Variants in FMN2 observed in about 807,000 individuals in gnomAD.
The protein encoded by FMN2 is formin-2.
In FMN2, 51 loss-of-function variants were observed where a neutral mutation model predicts 142.3. That is an observed-to-expected ratio of 0.36 (90% CI 0.29 to 0.45). The LOEUF (loss-of-function observed/expected upper bound fraction) is 0.45, where lower values mean the gene tolerates loss of function less well. Ranked by LOEUF, FMN2 falls within the 20% of genes least tolerant of loss-of-function variation. The pLI, the probability that FMN2 is intolerant of heterozygous loss-of-function variation, is 1.00. For missense variants in FMN2, 1,936 were observed against 2,122.8 expected, an observed-to-expected ratio of 0.91 and a Z score of 1.73; for synonymous variants, 882 against 869.8, an observed-to-expected ratio of 1.01 and a Z score of -0.25.
intron 1 of FMN2, among the ~76,000 whole-genome samples, chr1:240,099,634 G>A (rs545058758): frequency 2.7e-4 from 41 of 152,116 alleles, no homozygotes; most frequent in African/African-American, 8.2e-4. Context: ...TCATTTTCCC[G>A]ACTTTGTGCC....
rs536290408 is a variant in FMN2, at chr1:240,316,258, C to T, written c.4216-12818C>T. On this transcript the variant is annotated intron_variant, in intron 8 of 17. Transcript: ENST00000319653. ...GAAAAGGCAACAAGGACTTGATCTT[C>T]GGGGAGGTAGAAGGATGTTCATAGA... 5.3e-5 allele frequency among the ~76,000 whole-genome samples: 8 copies of T among 152,000 alleles called. No individual in the cohort carries two copies. In the South Asian group the frequency reaches 1.5e-3, roughly 28 times the overall value.
intron 7 of FMN2, among the ~76,000 whole-genome samples, chr1:240,290,338 C>T (rs539930219): frequency 2.6e-5 from 4 of 152,060 alleles, no homozygotes; most frequent in East Asian, 1.9e-4. Flanking sequence ...GAGCTCATAC[C>T]GGTGGAGCAA....
intron 7 of FMN2, among the ~76,000 whole-genome samples, chr1:240,286,819 C>T (rs1669606346): frequency 6.6e-6 from 1 of 152,126 alleles, no homozygotes; most frequent in Non-Finnish European, 1.5e-5. Flanking sequence ...ATTTAGTAGT[C>T]GTTCACTTTC....
In FMN2 at chr1:240,124,368, C is replaced by T. The variant is rs113970854; in HGVS notation, c.1782+1023C>T. On this transcript the variant is annotated intron_variant, in intron 2 of 17. Transcript: ENST00000319653. Reference sequence around the variant, plus strand: ...AACTCATGTTTGTGTGAAGTACGGACGTGAAGCAGCATTGTCTGCTTCATC... The same window carrying T: ...AACTCATGTTTGTGTGAAGTACGGATGTGAAGCAGCATTGTCTGCTTCATC... Among the ~76,000 whole-genome samples the T allele has an allele frequency of 7.9e-5, 12 of 152,236 alleles. 1 individual carries two copies. Among genetic ancestry groups the T allele is most frequent in the East Asian group, 1.9e-4 (1 of 5,168 alleles).
chr1:240,239,818 A>G (rs1185503701), intron 6 of FMN2, among the ~76,000 whole-genome samples: 2 of 152,256 alleles, frequency 1.3e-5, no homozygotes, highest in Non-Finnish European at 1.5e-5. Context: ...TAGTCAATAA[A>G]CATATGCTCA....
intron 8 of FMN2, among the ~76,000 whole-genome samples, chr1:240,297,594 C>CAAAAAAAA (rs57504077): frequency 3.4e-5 from 3 of 88,782 alleles, no homozygotes; most frequent in East Asian, 3.2e-4. Flanking sequence ...GACTCCATCT[C>CAAAAAAAA]AAAAAAAAAA....
In FMN2 at chr1:240,334,194, A is replaced by C; in HGVS notation, c.4730A>C (p.Gln1577Pro). ...QASQMKFEDF[Q>P]KDLRKLKKDL... ...TCACAGATGAAGTTTGAAGATTTTC[A>C]AAAAGATCTCAGAAAACTGAAGAAA... The change falls in exon 13 of 18, where the codon CAA becomes CCA. Residue 1577 changes from glutamine to proline, a missense_variant. This residue lies in a region of FMN2 where 322 missense variants were observed against 401.6 expected (regional missense o/e 0.80). Coordinates refer to ENST00000319653, the MANE Select transcript of FMN2 (RefSeq NM_020066.5). 6.2e-7 allele frequency: 1 copy of C among 1,606,122 alleles called. No individual in the cohort carries two copies. Among genetic ancestry groups the C allele is most frequent in the Non-Finnish European group, 8.5e-7 (1 of 1,177,996 alleles).
intron 15 of FMN2, among the ~76,000 whole-genome samples, chr1:240,403,889 G>C (rs1674068060): frequency 6.6e-6 from 1 of 152,070 alleles, no homozygotes; most frequent in South Asian, 2.1e-4. Context: ...TTAAATAATA[G>C]CAAGGCAATT....
chr1:240,263,838 C>G (rs1484506259), intron 7 of FMN2, among the ~76,000 whole-genome samples: 1 of 152,124 alleles, frequency 6.6e-6, no homozygotes, highest in Non-Finnish European at 1.5e-5. Flanking sequence ...GCTCTGATTC[C>G]TTCCTGTCTT....
chr1:240,117,166 A>G (rs1252721977), intron 1 of FMN2, among the ~76,000 whole-genome samples: 1 of 152,186 alleles, frequency 6.6e-6, no homozygotes, highest in Non-Finnish European at 1.5e-5. Context: ...TGTGAGGAAG[A>G]CAAGTGTGAG....
chr1:240,431,972 G>A (rs1425470523), intron 15 of FMN2, among the ~76,000 whole-genome samples: 1 of 151,108 alleles, frequency 6.6e-6, no homozygotes, highest in African/African-American at 2.4e-5. Flanking sequence ...ATCAACATCA[G>A]GGTAAAGCTG....
chr1:240,465,843 G>A (rs548236531), intron 16 of FMN2, among the ~76,000 whole-genome samples: 7 of 152,320 alleles, frequency 4.6e-5, no homozygotes, highest in African/African-American at 1.2e-4. Flanking sequence ...TCTGCAGAGC[G>A]GGCTGCAGGG....
intron 14 of FMN2, among the ~76,000 whole-genome samples, chr1:240,357,667 G>A (rs1672319934): frequency 6.6e-6 from 1 of 150,782 alleles, no homozygotes; most frequent in Admixed American, 6.6e-5. Context: ...ATGTCCAGTG[G>A]TGTGATCTCA....
intron 16 of FMN2, among the ~76,000 whole-genome samples, chr1:240,471,500 G>A (rs567414014): frequency 1.2e-4 from 18 of 151,512 alleles, no homozygotes; most frequent in Non-Finnish European, 2.4e-4. Context: ...CTCAACCTCC[G>A]AGTACCTGAG....
At chr1:240,173,094 C>G (rs1558336642) in intron 2 of FMN2, among the ~76,000 whole-genome samples, 1 of 152,060 alleles carries the variant, frequency 6.6e-6, no homozygotes, top group Non-Finnish European at 1.5e-5. Context: ...TGCCACCACG[C>G]TCAGCTAATT....
At chr1:240,259,951 C>G (rs1668573110) in intron 7 of FMN2, among the ~76,000 whole-genome samples, 1 of 152,134 alleles carries the variant, frequency 6.6e-6, no homozygotes, top group Admixed American at 6.6e-5. Context: ...CTTTTTATGC[C>G]TTTGCATCCT....
chr1:240,169,066 C>T (rs1447850740), intron 2 of FMN2, among the ~76,000 whole-genome samples: 1 of 152,154 alleles, frequency 6.6e-6, no homozygotes, highest in African/African-American at 2.4e-5. Context: ...CAAAAATTAG[C>T]TGGGCGTGGT....
chr1:240,403,736 G>C (rs144516562), intron 15 of FMN2, among the ~76,000 whole-genome samples: 366 of 152,294 alleles, frequency 2.4e-3, no homozygotes, highest in African/African-American at 8.6e-3. Flanking sequence ...ATTAAACTTA[G>C]AGAATTAATA....
At chr1:240,310,610 A>G (rs1670573044) in intron 8 of FMN2, among the ~76,000 whole-genome samples, 1 of 152,214 alleles carries the variant, frequency 6.6e-6, no homozygotes, top group African/African-American at 2.4e-5. Flanking sequence ...ATTTAGGGTT[A>G]TTGACTGTCA....
Sources: gnomAD v4.1 joint callset for allele counts (sites outside exome capture counted in the v4.1 genomes callset) on GRCh38, gnomAD v4.1.1 for gene constraint, gnomAD v4.1.1 regional missense constraint, MANE v1.5 for transcripts, NCBI Gene and HGNC (gene_info 2026-07-23, HGNC 2026-07-21) for gene names.